Variants in EBF3 observed in about 807,000 individuals in gnomAD.
EBF3 encodes the protein transcription factor COE3.
EBF3 carries 18 observed loss-of-function variants against 77.1 expected under a neutral mutation model. The ratio of observed to expected loss-of-function variants is 0.23; its 90% CI spans 0.16 to 0.35. The LOEUF is 0.35. Among genes scored for constraint, EBF3 ranks in the 10% least tolerant of loss-of-function variants. The pLI, the probability that EBF3 is intolerant of heterozygous loss-of-function variation, is 1.00. For synonymous variants in EBF3, 350 were observed against 343.5 expected (o/e 1.02, Z -0.21); for missense variants, 558 against 860.0 (o/e 0.65, Z 4.39).
chr10:129,840,363 T>G lies in EBF3; in HGVS notation c.1641A>C (p.Ser547=). 1.3e-6 allele frequency: 2 copies of G among 1,563,892 alleles called. No homozygotes were observed. Among genetic ancestry groups the G allele is most frequent in the Non-Finnish European group, 1.7e-6 (2 of 1,153,152 alleles). Residue 547 remains serine, a synonymous_variant, in exon 15 of 17, where the codon TCA becomes TCC. Coordinates refer to ENST00000440978, the MANE Select transcript of EBF3 (RefSeq NM_001375380.1). ...SNCSSTHGIF[S]FSPANVISAV... ...CGGAGATGACATTGGCAGGTGAGAA[T>G]GAGAAAATGCCGTGTGTGCTGCTAC...
At chr10:129,872,545 C>T (rs1450663529) in intron 8 of EBF3, among the ~76,000 whole-genome samples, 5 of 152,054 alleles carry the variant, frequency 3.3e-5, no homozygotes, top group Admixed American at 2.6e-4. Context: ...AATGTGGGAC[C>T]TCGGGATAGA....
chr10:129,869,352 A>G (rs1852249834), intron 8 of EBF3, among the ~76,000 whole-genome samples: 1 of 152,156 alleles, frequency 6.6e-6, no homozygotes, highest in Admixed American at 6.5e-5. Context: ...TGTAGTAACT[A>G]AGCTTGGTAA....
chr10:129,838,082 C>A, intron 16 of EBF3, 122 bp from the exon 17 acceptor site: 1 of 1,199,520 alleles, frequency 8.3e-7, no homozygotes, highest in Non-Finnish European at 1.2e-6. Flanking sequence ...TGCACAGTTC[C>A]GTCCACCAGC....
intron 6 of EBF3, among the ~76,000 whole-genome samples, chr10:129,954,410 C>CG (rs1237011910): frequency 1.4e-5 from 2 of 147,962 alleles, no homozygotes; most frequent in African/African-American, 5.2e-5. Flanking sequence ...AACAGCCTCA[C>CG]TTCCCCCCCC....
At chr10:129,925,275 T>C (rs1211173691) in intron 6 of EBF3, among the ~76,000 whole-genome samples, 3 of 129,876 alleles carry the variant, frequency 2.3e-5, no homozygotes, top group Non-Finnish European at 1.6e-5. Context: ...GCAAGGAGAA[T>C]GGGGTGGGGG....
intron 6 of EBF3, among the ~76,000 whole-genome samples, chr10:129,956,459 G>C (rs150635109): frequency 2.0e-5 from 3 of 152,154 alleles, no homozygotes; most frequent in African/African-American, 7.2e-5. Flanking sequence ...TCTCCTGCAC[G>C]GCACCGAAAC....
At position 129,841,095 on chromosome 10, in the gene EBF3, G is replaced by A. The variant is rs941485624; in HGVS notation, c.1373-63C>T. The A allele has an allele frequency of 3.2e-4, 498 of 1,579,940 alleles. No individual in the cohort carries two copies. Among genetic ancestry groups the A allele is most frequent in the Non-Finnish European group, 3.8e-4 (445 of 1,163,104 alleles). ...TATCAGCGACAGACACTTGGGGGGG[G>A]TTCCCCGAGAATCTATATCATATAT... On this transcript the variant is annotated intron_variant, in intron 13 of 16. Coordinates refer to ENST00000440978, the MANE Select transcript of EBF3 (RefSeq NM_001375380.1). The surrounding 1 kb of genome is among the most constrained non-coding windows in gnomAD (Gnocchi z 4.6).
rs765097992 is a variant in EBF3, at chr10:129,938,008, C to G, written c.554+19250G>C. ...ACAAAATGCATTAGTCAAAATACTTCGAAATGGTACAAGCTATTTTCTGGC... is the reference window on the plus strand; with the variant it reads ...ACAAAATGCATTAGTCAAAATACTTGGAAATGGTACAAGCTATTTTCTGGC... On this transcript the variant is annotated intron_variant, in intron 6 of 16. Transcript: ENST00000440978. This position sits in a 1 kb window ranked among gnomAD's most constrained non-coding sequence, Gnocchi z 5.1. 1.3e-5 allele frequency among the ~76,000 whole-genome samples: 2 copies of G among 152,138 alleles called. No homozygotes were observed. Among genetic ancestry groups the G allele is most frequent in the African/African-American group, 4.8e-5 (2 of 41,418 alleles).
intron 8 of EBF3, among the ~76,000 whole-genome samples, 180 bp from the exon 9 acceptor site, chr10:129,868,092 G>A (rs182879201): frequency 5.9e-5 from 9 of 152,382 alleles, no homozygotes; most frequent in Admixed American, 4.6e-4. Context: ...ACTATTAAAT[G>A]TTTTATAAAG....
chr10:129,859,669 A>G (rs1194637381), intron 10 of EBF3, among the ~76,000 whole-genome samples: 2 of 152,266 alleles, frequency 1.3e-5, no homozygotes, highest in African/African-American at 4.8e-5. Flanking sequence ...AGGACCCTCC[A>G]AAAACAGCCT....
chr10:129,938,223 C>T lies in EBF3; in HGVS notation c.554+19035G>A, dbSNP rs1035602820. ...GTACACAGACTGCTCTGTTCTAGAA[C>T]GGAAATTAGTGGGTTTTTTTAAAGT... On this transcript the variant is annotated intron_variant, in intron 6 of 16. Transcript: ENST00000440978. This position sits in a 1 kb window ranked among gnomAD's most constrained non-coding sequence, Gnocchi z 5.1. Among the ~76,000 whole-genome samples the T allele has an allele frequency of 2.0e-5, 3 of 151,964 alleles. No individual in the cohort carries two copies. The highest frequency in any genetic ancestry group is 4.8e-5 in the African/African-American group (2 of 41,356).
intron 6 of EBF3, among the ~76,000 whole-genome samples, chr10:129,907,287 C>A (rs888238889): frequency 3.9e-5 from 6 of 152,198 alleles, no homozygotes; most frequent in African/African-American, 1.4e-4. Context: ...CGCCAAAGGC[C>A]CCTTGGCCTC....
intron 6 of EBF3, among the ~76,000 whole-genome samples, chr10:129,945,431 A>C (rs1858131948): frequency 6.6e-6 from 1 of 152,232 alleles, no homozygotes; most frequent in East Asian, 1.9e-4. Context: ...AGTGCAAAGA[A>C]GGTGATTGAT....
At chr10:129,853,523 A>G (rs1313446745) in intron 10 of EBF3, among the ~76,000 whole-genome samples, 1 of 152,240 alleles carries the variant, frequency 6.6e-6, no homozygotes, top group Non-Finnish European at 1.5e-5. Context: ...CACATTAGCA[A>G]CATAACTACA....
intron 6 of EBF3, among the ~76,000 whole-genome samples, chr10:129,918,645 C>T (rs1034348791): frequency 5.3e-5 from 8 of 152,206 alleles, no homozygotes; most frequent in African/African-American, 1.9e-4. Context: ...CCCTACCCCC[C>T]TCCCCAGCTC....
At chr10:129,844,302 T>TGAC (rs200720260) in intron 11 of EBF3, among the ~76,000 whole-genome samples, 2,476 of 152,018 alleles carry the variant, frequency 0.016, 62 homozygotes, top group African/African-American at 0.056. Context: ...ACCCCAAAGG[T>TGAC]GACTGGACAA....
chr10:129,934,574 C>T (rs1480060428), intron 6 of EBF3, among the ~76,000 whole-genome samples: 1 of 152,112 alleles, frequency 6.6e-6, no homozygotes, highest in East Asian at 1.9e-4. Context: ...ACTATTAGCT[C>T]ATTTGCATAC....
At position 129,959,024 on chromosome 10, in the gene EBF3, C is replaced by T. The variant is rs770570616; in HGVS notation, c.412-17G>A. On this transcript the variant is annotated splice_polypyrimidine_tract_variant and intron_variant, in intron 4 of 16. Transcript: ENST00000440978. ...GACGATGGCCTGCGCGAGGGACAAGCAGAGGCTGGGGTTACGCGGCGCCCG... is the reference window on the plus strand; with the variant it reads ...GACGATGGCCTGCGCGAGGGACAAGTAGAGGCTGGGGTTACGCGGCGCCCG... 6.3e-7 allele frequency: 1 copy of T among 1,597,286 alleles called. No homozygotes were observed. The highest frequency in any genetic ancestry group is 8.5e-7 in the Non-Finnish European group (1 of 1,173,428).
intron 6 of EBF3, among the ~76,000 whole-genome samples, chr10:129,888,412 A>G (rs927435791): frequency 3.3e-5 from 5 of 152,220 alleles, no homozygotes; most frequent in African/African-American, 1.2e-4. Flanking sequence ...CATCTGTTAC[A>G]TTTCCTTCCA....
Sources: gnomAD v4.1 joint callset for allele counts (sites outside exome capture counted in the v4.1 genomes callset) on GRCh38, gnomAD v4.1.1 for gene constraint, Gnocchi (gnomAD v3.1) non-coding constraint, MANE v1.5 for transcripts, NCBI Gene and HGNC (gene_info 2026-07-23, HGNC 2026-07-21) for gene names.